Variants in KIF13B observed in about 807,000 individuals in gnomAD.
KIF13B encodes kinesin-like protein KIF13B.
Under a neutral mutation model 222.0 loss-of-function variants are expected in KIF13B, and 127 were observed. The ratio of observed to expected loss-of-function variants is 0.57; its 90% CI spans 0.50 to 0.66. KIF13B has a LOEUF of 0.66. Ranked by LOEUF, KIF13B falls within the 30% of genes least tolerant of loss-of-function variation. KIF13B has a pLI of 0.00. For synonymous variants in KIF13B, 976 were observed against 919.0 expected (o/e 1.06, Z -1.12); for missense variants, 2,173 against 2,379.0 (o/e 0.91, Z 1.80).
chr8:29,237,985 G>T (rs911780925), intron 2 of KIF13B, among the ~76,000 whole-genome samples: 2 of 152,158 alleles, frequency 1.3e-5, no homozygotes, highest in Non-Finnish European at 2.9e-5. Context: ...CTGAGGAAGA[G>T]CCCCATTATG....
intron 2 of KIF13B, among the ~76,000 whole-genome samples, chr8:29,203,892 CAAA>C (rs11432771): frequency 3.0e-5 from 2 of 66,190 alleles, no homozygotes; most frequent in Admixed American, 2.1e-4. Context: ...AGTTCCGTCT[CAAA>C]AAAAAAAAAA....
intron 28 of KIF13B, 81 bp from the exon 29 acceptor site, chr8:29,122,727 T>C (rs955026251): frequency 2.7e-6 from 3 of 1,106,432 alleles, no homozygotes; most frequent in East Asian, 2.5e-5. Context: ...CTTAATGGCA[T>C]TCAGGGCTGT....
rs148930492 is a variant in KIF13B at position 29,123,289 on chromosome 8, C to T, written c.3479+77G>A. 9.0e-4 allele frequency: 1,394 copies of T among 1,549,790 alleles called. 17 individuals carry two copies. In the African/African-American group the frequency reaches 0.017, roughly 18 times the overall value. ...CTATTGACTCTTCCATTAACCGTAG[C>T]ACACGCAAAATTCAAGCTAAAAGCA... On this transcript the variant is annotated intron_variant, in intron 28 of 39. Coordinates refer to ENST00000524189, the MANE Select transcript of KIF13B (RefSeq NM_015254.4).
chr8:29,101,506 C>G (rs1259820782), intron 35 of KIF13B, among the ~76,000 whole-genome samples: 1 of 152,176 alleles, frequency 6.6e-6, no homozygotes, highest in Non-Finnish European at 1.5e-5. Flanking sequence ...AAGGCACACC[C>G]AGGCCCCGAT....
chr8:29,158,042 CA>C (rs1316733410), intron 13 of KIF13B, among the ~76,000 whole-genome samples: 1 of 152,156 alleles, frequency 6.6e-6, no homozygotes, highest in Non-Finnish European at 1.5e-5. Flanking sequence ...AGCCTATTTC[CA>C]TCCTACTGCC....
chr8:29,081,637 AG>A (rs1807815032), intron 37 of KIF13B, among the ~76,000 whole-genome samples: 1 of 152,268 alleles, frequency 6.6e-6, no homozygotes, highest in Admixed American at 6.5e-5. Flanking sequence ...TTGATATGAC[AG>A]TATTTTCAAT....
chr8:29,111,407 T>TTTTCATGATGAAAAAG (rs1316587491), intron 32 of KIF13B, among the ~76,000 whole-genome samples: 2 of 152,260 alleles, frequency 1.3e-5, no homozygotes, highest in African/African-American at 4.8e-5. Context: ...TTTTGGGGCT[T>TTTTCATGATGAAAAAG]TTTCATGATG....
Position 29,167,366 on chromosome 8 carries a change from C to T in KIF13B, c.1158+7G>A. 6.2e-7 allele frequency: 1 copy of T among 1,609,814 alleles called. No homozygotes were observed. Among genetic ancestry groups the T allele is most frequent in the Non-Finnish European group, 8.5e-7 (1 of 1,177,912 alleles). On this transcript the variant is annotated splice_region_variant and intron_variant, in intron 11 of 39. Transcript: ENST00000524189. ...ACTCACAGGGCGCACGCGGTGGTGC[C>T]TCCTACCTCTGCTTTGGTCAGCTGC...
At chr8:29,256,506 A>G (rs959892959) in intron 1 of KIF13B, among the ~76,000 whole-genome samples, 2 of 152,178 alleles carry the variant, frequency 1.3e-5, no homozygotes, top group African/African-American at 4.8e-5. Flanking sequence ...TATTCTTCCA[A>G]TGAACTCACA....
intron 34 of KIF13B, among the ~76,000 whole-genome samples, chr8:29,108,644 T>A (rs1809211120): frequency 6.6e-6 from 1 of 152,234 alleles, no homozygotes; most frequent in Non-Finnish European, 1.5e-5. Flanking sequence ...AATATATCAT[T>A]TTCTGAATAA....
chr8:29,206,193 G>A (rs955863699), intron 2 of KIF13B, among the ~76,000 whole-genome samples: 1 of 152,208 alleles, frequency 6.6e-6, no homozygotes, highest in Non-Finnish European at 1.5e-5. Context: ...CGGAGGCCAA[G>A]GCGGGAGGAT....
intron 2 of KIF13B, among the ~76,000 whole-genome samples, chr8:29,201,769 C>T (rs1487184714): frequency 2.0e-5 from 3 of 152,196 alleles, no homozygotes; most frequent in African/African-American, 7.2e-5. Flanking sequence ...AGCCATACTA[C>T]GTCATGATAT....
intron 8 of KIF13B, among the ~76,000 whole-genome samples, chr8:29,179,315 A>C (rs1219536803): frequency 6.6e-6 from 1 of 152,064 alleles, no homozygotes; most frequent in Non-Finnish European, 1.5e-5. Flanking sequence ...ATGGAGTCTC[A>C]TTATGTTACC....
In KIF13B at chr8:29,132,340, G is replaced by A. The variant is rs1381618918; in HGVS notation, c.2910C>T (p.Ile970=). 9.5e-6 allele frequency: 15 copies of A among 1,575,964 alleles called. No individual in the cohort carries two copies. Among genetic ancestry groups the A allele is most frequent in the Non-Finnish European group, 1.2e-5 (14 of 1,160,572 alleles). ...GAAGACTACGTGTCTTTGCTTGGAT[G>A]ATTCCCAAATCCCACAGGGCGGGGT... ...RKNPALWDLG[I]IQAKTRSLRD... The change falls in exon 23 of 40, where the codon ATC becomes ATT. Residue 970 remains isoleucine (I), a synonymous_variant. Coordinates refer to ENST00000524189, the MANE Select transcript of KIF13B (RefSeq NM_015254.4).
At position 29,130,785 on chromosome 8, in the gene KIF13B, T is replaced by A. The variant is rs1586819392; in HGVS notation, c.2943-120A>T. 15 of 862,586 alleles carry A rather than the reference T, an allele frequency of 1.7e-5. No individual in the cohort carries two copies. The East Asian group carries it at 3.5e-4, about 20-fold the overall frequency. The allele number at this position is 862,586 out of a possible 1,614,324, so 53.4% of individuals were successfully genotyped here. A position where few individuals can be genotyped will look rare whatever the true frequency, so the allele number is the denominator to read the frequency against. ...GACCTCCAAACAGAGTAATTCAGAA[T>A]GATCTGTAGTTCAGTGAATACCATG... On this transcript the variant is annotated intron_variant, in intron 23 of 39. Coordinates refer to ENST00000524189, the MANE Select transcript of KIF13B (RefSeq NM_015254.4).
At chr8:29,136,914 C>T (rs1234818532) in intron 21 of KIF13B, among the ~76,000 whole-genome samples, 1 of 151,282 alleles carries the variant, frequency 6.6e-6, no homozygotes. Context: ...ATTCTCCTGC[C>T]TCAGCCTCCC....
At chr8:29,077,092 G>A (rs1259846751) in intron 37 of KIF13B, among the ~76,000 whole-genome samples, 1 of 152,188 alleles carries the variant, frequency 6.6e-6, no homozygotes, top group Non-Finnish European at 1.5e-5. Context: ...GGACAGCTAG[G>A]ACCAGGGTGC....
chr8:29,248,379 T>C (rs1363975487), intron 1 of KIF13B, among the ~76,000 whole-genome samples: 2 of 152,206 alleles, frequency 1.3e-5, no homozygotes, highest in Non-Finnish European at 2.9e-5. Flanking sequence ...TATTAGTCCA[T>C]TTTCACACTG....
chr8:29,102,677 G>A (rs1012538829), intron 35 of KIF13B, among the ~76,000 whole-genome samples: 19 of 152,212 alleles, frequency 1.2e-4, no homozygotes, highest in African/African-American at 4.6e-4. Context: ...AACGAGAAGT[G>A]CCAGTGACAT....
Sources: gnomAD v4.1 joint callset for allele counts (sites outside exome capture counted in the v4.1 genomes callset) on GRCh38, gnomAD v4.1.1 for gene constraint, MANE v1.5 for transcripts, NCBI Gene and HGNC (gene_info 2026-07-23, HGNC 2026-07-21) for gene names.